The following FADS6 variants were observed in gnomAD, a reference collection of about 807,000 sequenced individuals.
FADS6 encodes the protein fatty acid desaturase domain family, member 6.
Under a neutral mutation model 31.7 loss-of-function variants are expected in FADS6, and 28 were observed. The observed-to-expected ratio is 0.88, with a 90% CI of 0.66 to 1.21. The LOEUF (loss-of-function observed/expected upper bound fraction) is 1.21. Ranked by LOEUF, FADS6 falls within the 50% of genes most tolerant of loss-of-function variation. The probability of loss-of-function intolerance (pLI) is 0.00; values close to 1 mark genes in which losing one functional copy is unlikely to be tolerated. For missense variants in FADS6, 494 were observed against 504.2 expected (o/e 0.98, Z 0.19); for synonymous variants, 191 against 213.1 (o/e 0.90, Z 0.90).
chr17:74,892,095 C>CG (rs2144727866), intron 2 of FADS6, among the ~76,000 whole-genome samples: 1 of 152,260 alleles, frequency 6.6e-6, no homozygotes, highest in African/African-American at 2.4e-5. Context: ...GAGCTGACCC[C>CG]GGGGAGCAGG....
rs562954686 is a variant in FADS6 at position 74,884,019 on chromosome 17, C to A, written c.412-1309G>T. Among the ~76,000 whole-genome samples the A allele has an allele frequency of 3.1e-3, 476 of 152,300 alleles. 1 individual carries two copies. Among genetic ancestry groups the A allele is most frequent in the Middle Eastern group, 0.01 (3 of 294 alleles). Reference sequence around the variant, plus strand: ...GTTCACATAAGCATTGTCGGACCCCCAGTGGTGCCCAGCACCATGCTAGGC... The same window carrying A: ...GTTCACATAAGCATTGTCGGACCCCAAGTGGTGCCCAGCACCATGCTAGGC... On this transcript the variant is annotated intron_variant, in intron 2 of 5. Coordinates refer to ENST00000612771, the MANE Select transcript of FADS6 (RefSeq NM_178128.6).
At chr17:74,889,844 C>A (rs571399999) in intron 2 of FADS6, among the ~76,000 whole-genome samples, 64 of 115,196 alleles carry the variant, frequency 5.6e-4, no homozygotes, top group African/African-American at 1.9e-3. Flanking sequence ...GCACTGAAGC[C>A]TGGGCAACAG....
chr17:74,883,647 A>G (rs2038596244), intron 2 of FADS6, among the ~76,000 whole-genome samples: 1 of 152,126 alleles, frequency 6.6e-6, no homozygotes, highest in African/African-American at 2.4e-5. Flanking sequence ...GTCCTGCTGA[A>G]AAAGATTATT....
chr17:74,892,523 C>G lies in FADS6; in HGVS notation c.411G>C (p.Glu137Asp), dbSNP rs918425022. The G allele has an allele frequency of 8.1e-6, 13 of 1,611,758 alleles. No individual in the cohort carries two copies. Among genetic ancestry groups the G allele is most frequent in the Middle Eastern group, 3.3e-4 (2 of 6,056 alleles). Residue 137 changes from glutamate to aspartate, a missense_variant and splice_region_variant, in exon 2 of 6, where the codon GAG becomes GAC. Physicochemically the swap from Glu to Asp is conservative, Grantham distance 45. This residue lies in a region of FADS6 where 454 missense variants were observed against 438.5 expected (regional missense o/e 1.04). Coordinates refer to ENST00000612771, the MANE Select transcript of FADS6 (RefSeq NM_178128.6). ...WSKIWLLFFV[E>D]VCTAFTAEHA... Reference sequence around the variant, plus strand: ...TGCATCCTCCTTCTCCCAGGCTCACCTCCACAAAGAAAAGCAGCCAGATCT... The same window carrying G: ...TGCATCCTCCTTCTCCCAGGCTCACGTCCACAAAGAAAAGCAGCCAGATCT...
rs528941198 is a variant in FADS6, at chr17:74,878,211, C to T, written c.*120G>A. 281 of 1,445,676 alleles carry T rather than the reference C, an allele frequency of 1.9e-4. No individual in the cohort carries two copies. The highest frequency in any genetic ancestry group is 2.4e-4 in the Non-Finnish European group (263 of 1,102,304). 89.6% of individuals were successfully genotyped at this position (1,445,676 alleles called of 1,614,324 possible). A position where few individuals can be genotyped will look rare whatever the true frequency, so the allele number is the denominator to read the frequency against. On this transcript the variant is annotated 3_prime_UTR_variant, in exon 6 of 6. Transcript: ENST00000612771. ...GAGCTCCCCTGCCCCCCTGCCTGGC[C>T]GGTGCCTCCACTCTCCAGGTCCACC...
At chr17:74,891,711 T>G (rs1277738967) in intron 2 of FADS6, among the ~76,000 whole-genome samples, 1 of 152,150 alleles carries the variant, frequency 6.6e-6, no homozygotes, top group Non-Finnish European at 1.5e-5. Context: ...TGATGATATA[T>G]GTGTGTGTAG....
At chr17:74,893,230 C>G in intron 1 of FADS6, 122 bp downstream of exon 1, 2 of 1,154,216 alleles carry the variant, frequency 1.7e-6, no homozygotes, top group South Asian at 3.4e-5. Flanking sequence ...TCCCTGCCGC[C>G]GCCAGTCCAC....
Position 74,881,081 on chromosome 17 carries a change from A to T in FADS6, c.767T>A (p.Val256Asp). Residue 256 changes from valine to aspartate, a missense_variant, in exon 4 of 6, where the codon GTC becomes GAC. Around this residue, in one of 2 missense-constraint regions of FADS6, gnomAD observed 454 missense variants for 438.5 expected, o/e 1.04. Coordinates refer to ENST00000612771, the MANE Select transcript of FADS6 (RefSeq NM_178128.6). ...RSLLAHPYLHVNIFQHIGLPM... is the reference protein window; with the variant it reads ...RSLLAHPYLHDNIFQHIGLPM... ...GGGTGGCCTCACCTGGAAGATGTTG[A>T]CGTGGAGGTAGGGGTGGGCCAACAG... 4 of 1,612,914 alleles carry T rather than the reference A, an allele frequency of 2.5e-6. No individual in the cohort carries two copies. The South Asian group carries it at 4.4e-5, about 18-fold the overall frequency.
chr17:74,876,068 C>CTGCG (rs1339800336), downstream of FADS6, among the ~76,000 whole-genome samples: 8 of 152,302 alleles, frequency 5.3e-5, no homozygotes, highest in East Asian at 1.5e-3. Context: ...TCTAAAGGAA[C>CTGCG]TGCGGTCTTT....
At chr17:74,882,812 C>G in intron 2 of FADS6, 102 bp from the exon 3 acceptor site, 2 of 1,536,220 alleles carry the variant, frequency 1.3e-6, no homozygotes. Flanking sequence ...TCCTCAAACC[C>G]TGCATGTCCA....
At chr17:74,891,313 C>T (rs1415540743) in intron 2 of FADS6, among the ~76,000 whole-genome samples, 1 of 152,020 alleles carries the variant, frequency 6.6e-6, no homozygotes, top group Non-Finnish European at 1.5e-5. Context: ...GCTGGGATTA[C>T]AGGTGTGAGC....
At chr17:74,884,284 C>G (rs1237959081) in intron 2 of FADS6, among the ~76,000 whole-genome samples, 1 of 152,146 alleles carries the variant, frequency 6.6e-6, no homozygotes, top group African/African-American at 2.4e-5. Flanking sequence ...AGGACTTGCA[C>G]CTGGAGACTT....
chr17:74,879,288 C>T (rs1598552782), intron 5 of FADS6, 116 bp downstream of exon 5: 1 of 1,305,558 alleles, frequency 7.7e-7, no homozygotes, highest in East Asian at 2.6e-5. Context: ...CTGCCCACCT[C>T]AGCCTCCGCA....
chr17:74,892,604 G>T lies in FADS6; in HGVS notation c.330C>A (p.Val110=). The T allele has an allele frequency of 6.2e-7, 1 of 1,613,372 alleles. No individual in the cohort carries two copies. The highest frequency in any genetic ancestry group is 8.5e-7 in the Non-Finnish European group (1 of 1,179,632). Residue 110 remains valine, a synonymous_variant, in exon 2 of 6, where the codon GTC becomes GTA. Transcript: ENST00000612771. ...ILGVCHYTLT[V]KGSHLATHGA... ...CATGAGTGGCCAGGTGGCTGCCCTT[G>T]ACAGTGAGTGTGTAGTGGCACACAC...
intron 2 of FADS6, among the ~76,000 whole-genome samples, chr17:74,891,616 G>A (rs558425461): frequency 6.6e-6 from 1 of 152,234 alleles, no homozygotes; most frequent in African/African-American, 2.4e-5. Flanking sequence ...TTTGATGTGT[G>A]TGCTGGTGAG....
Position 74,877,737 on chromosome 17 carries a change from A to C in FADS6, c.*594T>G, listed in dbSNP as rs1417928183. 1 of 985,470 alleles carries C rather than the reference A, an allele frequency of 1.0e-6. No individual in the cohort carries two copies. Among genetic ancestry groups the C allele is most frequent in the Non-Finnish European group, 1.2e-6 (1 of 830,074 alleles). 61.0% of individuals were successfully genotyped at this position (985,470 alleles called of 1,614,324 possible). On this transcript the variant is annotated 3_prime_UTR_variant, in exon 6 of 6. Transcript: ENST00000612771. ...ACACACTCACTTTTATCTTGCTGATACTGTGGCCTGGGGAACTGCTGAGCC... is the reference window on the plus strand; with the variant it reads ...ACACACTCACTTTTATCTTGCTGATCCTGTGGCCTGGGGAACTGCTGAGCC...
chr17:74,890,357 C>A (rs1482764034), intron 2 of FADS6, among the ~76,000 whole-genome samples: 1 of 152,224 alleles, frequency 6.6e-6, no homozygotes, highest in African/African-American at 2.4e-5. Flanking sequence ...CCCCTTCCCC[C>A]ACACTTGGAA....
chr17:74,883,154 A>G (rs1458876786), intron 2 of FADS6, among the ~76,000 whole-genome samples: 2 of 152,194 alleles, frequency 1.3e-5, no homozygotes, highest in African/African-American at 4.8e-5. Context: ...GGGCTACAGG[A>G]GTGGTCTGAG....
chr17:74,881,305 T>A, intron 3 of FADS6, 50 bp from the exon 4 acceptor site: 1 of 1,500,538 alleles, frequency 6.7e-7, no homozygotes, highest in Non-Finnish European at 9.0e-7. Context: ...CAGGAGGGGC[T>A]CCCTGCTGGC....
Sources: allele counts gnomAD v4.1 joint callset (sites outside exome capture counted in the v4.1 genomes callset), GRCh38; gene constraint gnomAD v4.1.1; regional missense constraint gnomAD v4.1.1; transcripts MANE v1.5; gene names NCBI Gene and HGNC (gene_info 2026-07-23, HGNC 2026-07-21).